PLAGL1: variants seen among roughly 807,000 people sequenced by gnomAD.
The protein encoded by PLAGL1 is zinc finger protein PLAGL1.
PLAGL1 carries 1 observed loss-of-function variant against 4.6 expected under a neutral mutation model. The ratio of observed to expected loss-of-function variants is 0.22; its 90% CI spans 0.08 to 1.03. The LOEUF (loss-of-function observed/expected upper bound fraction) is 1.03. Ranked by LOEUF, PLAGL1 falls within the 50% of genes least tolerant of loss-of-function variation. The pLI is 0.58. For missense variants in PLAGL1, 464 were observed against 570.4 expected, an observed-to-expected ratio of 0.81 and a Z score of 1.90; for synonymous variants, 240 against 237.8, an observed-to-expected ratio of 1.01 and a Z score of -0.08.
intron 2 of PLAGL1, among the ~76,000 whole-genome samples, 180 bp from the exon 3 acceptor site, chr6:143,969,158 C>T (rs1207740271): frequency 2.0e-5 from 3 of 152,046 alleles, no homozygotes; most frequent in African/African-American, 7.2e-5. Flanking sequence ...TCCAGAGGCA[C>T]CCATTTGAGT....
At chr6:144,038,523 C>T (rs1046697336) in intron 1 of PLAGL1, among the ~76,000 whole-genome samples, 5 of 152,120 alleles carry the variant, frequency 3.3e-5, no homozygotes, top group Non-Finnish European at 7.3e-5. Context: ...TAAATAAACC[C>T]ATATGTCTGT....
intron 2 of PLAGL1, among the ~76,000 whole-genome samples, chr6:143,980,151 G>T (rs1787590134): frequency 1.3e-5 from 2 of 152,062 alleles, no homozygotes; most frequent in African/African-American, 4.8e-5. Flanking sequence ...TTTACTACTG[G>T]TTTTAAACTA....
rs1487971387 is a variant in PLAGL1, at chr6:143,950,519, C to CACTT, written c.-324-2063_-324-2060dup. The stretch of plus-strand genomic sequence containing the variant: ...GGCCCAGCTATAAAACACACTCATT[C>CACTT]ACTTAGAATTGCTCTGTGTTCTTTC... On this transcript the variant is annotated intron_variant, in intron 6 of 7. Transcript: ENST00000674357. This position sits in a 1 kb window ranked among gnomAD's most constrained non-coding sequence, Gnocchi z 6.3. Among the ~76,000 whole-genome samples, 1 of 152,202 alleles carries CACTT rather than the reference C, an allele frequency of 6.6e-6. No individual in the cohort carries two copies. The highest frequency in any genetic ancestry group is 1.5e-5 in the Non-Finnish European group (1 of 68,028).
chr6:144,045,907 A>C (rs1798110418), intron 1 of PLAGL1, among the ~76,000 whole-genome samples: 1 of 151,854 alleles, frequency 6.6e-6, no homozygotes, highest in African/African-American at 2.4e-5. Flanking sequence ...TTTTTCTCTA[A>C]ACTTCTCTTC....
At chr6:144,014,640 C>T (rs1295489295) in intron 1 of PLAGL1, among the ~76,000 whole-genome samples, 2 of 152,078 alleles carry the variant, frequency 1.3e-5, no homozygotes, top group African/African-American at 4.8e-5. Flanking sequence ...AGTACCGTGA[C>T]ATGATCTCGG....
chr6:143,996,938 T>A (rs1251472866), intron 1 of PLAGL1, among the ~76,000 whole-genome samples: 1 of 152,128 alleles, frequency 6.6e-6, no homozygotes, highest in East Asian at 1.9e-4. Flanking sequence ...AAAATTGATA[T>A]CTTCATGATT....
Position 143,994,180 on chromosome 6 carries a change from G to A in PLAGL1, c.-583-9006C>T, listed in dbSNP as rs1333870773. On this transcript the variant is annotated intron_variant, in intron 1 of 7. Coordinates refer to ENST00000674357, the MANE Select transcript of PLAGL1 (RefSeq NM_001317162.2). The surrounding 1 kb of genome is among the most constrained non-coding windows in gnomAD (Gnocchi z 4.3). ...GGATTTCAAAATTGTTATGGACCAGGGACTCCCTAAAGTATACTCGTGAAA... is the reference window on the plus strand; with the variant it reads ...GGATTTCAAAATTGTTATGGACCAGAGACTCCCTAAAGTATACTCGTGAAA... Among the ~76,000 whole-genome samples, 2 of 152,054 alleles carry A rather than the reference G, an allele frequency of 1.3e-5. No individual in the cohort carries two copies. The highest frequency in any genetic ancestry group is 2.9e-5 in the Non-Finnish European group (2 of 67,994).
chr6:144,029,711 A>ACAGCCTTATGGAAGG (rs1796658452), intron 1 of PLAGL1, among the ~76,000 whole-genome samples: 1 of 152,248 alleles, frequency 6.6e-6, no homozygotes, highest in Admixed American at 6.5e-5. Context: ...AGAAACTGGT[A>ACAGCCTTATGGAAGG]CAGCCTTATG....
At chr6:144,011,976 G>A (rs150036483), upstream of PLAGL1, among the ~76,000 whole-genome samples, 314 of 152,270 alleles carry the variant, frequency 2.1e-3, 5 homozygotes, top group East Asian at 0.014. The surrounding 1 kb of genome is among the most constrained non-coding windows in gnomAD (Gnocchi z 4.3). Context: ...ATTGGGGGAC[G>A]TTTGTGAGAA....
intron 1 of PLAGL1, among the ~76,000 whole-genome samples, chr6:144,030,609 T>C (rs574009578): frequency 1.3e-5 from 2 of 152,346 alleles, no homozygotes; most frequent in African/African-American, 4.8e-5. Context: ...TGGTTTTCCA[T>C]TCCTGAGTTA....
intron 6 of PLAGL1, among the ~76,000 whole-genome samples, chr6:143,956,495 G>A (rs779279683): frequency 1.1e-4 from 16 of 152,152 alleles, no homozygotes; most frequent in Non-Finnish European, 1.9e-4. Context: ...CTTGATGTTG[G>A]TAAATAACTT....
In PLAGL1 at chr6:143,966,396, C is replaced by T. The variant is rs930890931; in HGVS notation, c.-471-198G>A. 27 of 152,188 alleles carry T rather than the reference C, an allele frequency of 1.8e-4. No homozygotes were observed. Among genetic ancestry groups the T allele is most frequent in the African/African-American group, 6.5e-4 (27 of 41,432 alleles). The allele number at this position is 152,188 out of a possible 1,614,324, so 9.4% of individuals were successfully genotyped here. On this transcript the variant is annotated intron_variant, in intron 3 of 7. Coordinates refer to ENST00000674357, the MANE Select transcript of PLAGL1 (RefSeq NM_001317162.2). The surrounding 1 kb of genome is among the most constrained non-coding windows in gnomAD (Gnocchi z 6.0). Reference sequence around the variant, plus strand: ...CAAACAAAAAACCCAACTGTGCACACACACACACCAAAAAATAAGTACAAT... The same window carrying T: ...CAAACAAAAAACCCAACTGTGCACATACACACACCAAAAAATAAGTACAAT...
In PLAGL1 at chr6:143,983,267, T is replaced by C. The variant is rs1440537359; in HGVS notation, c.-544+1868A>G. Among the ~76,000 whole-genome samples the C allele has an allele frequency of 6.6e-6, 1 of 152,166 alleles. No individual in the cohort carries two copies. The highest frequency in any genetic ancestry group is 1.5e-5 in the Non-Finnish European group (1 of 68,030). On this transcript the variant is annotated intron_variant, in intron 2 of 7. Transcript: ENST00000674357. This position sits in a 1 kb window ranked among gnomAD's most constrained non-coding sequence, Gnocchi z 6.6. ...TGAGAATTAATGGTTGAGTTTGCAA[T>C]ATGAAGGTCGCTGGTGACACTTGAG...
intron 1 of PLAGL1, among the ~76,000 whole-genome samples, chr6:144,045,640 C>A (rs1798085729): frequency 6.6e-6 from 1 of 152,118 alleles, no homozygotes; most frequent in South Asian, 2.1e-4. Flanking sequence ...TCATTTCAAC[C>A]TTGATGAATC....
chr6:143,976,116 G>C lies in PLAGL1; in HGVS notation c.-543-7138C>G, dbSNP rs1279199730. Among the ~76,000 whole-genome samples, 17 of 151,918 alleles carry C rather than the reference G, an allele frequency of 1.1e-4. No homozygotes were observed. In the East Asian group the frequency reaches 2.9e-3, roughly 26 times the overall value. On this transcript the variant is annotated intron_variant, in intron 2 of 7. Coordinates refer to ENST00000674357, the MANE Select transcript of PLAGL1 (RefSeq NM_001317162.2). ...CACCCTATTACTGGGCGGTGGCATA[G>C]AGATGCCACAGTACAGAGTGTACAG...
intron 1 of PLAGL1, among the ~76,000 whole-genome samples, chr6:144,051,466 G>GT (rs1235807326): frequency 6.6e-6 from 1 of 152,106 alleles, no homozygotes; most frequent in East Asian, 1.9e-4. Flanking sequence ...ATTTACTCCT[G>GT]TTTTTTTCAC....
intron 1 of PLAGL1, among the ~76,000 whole-genome samples, chr6:144,054,326 T>G (rs915094372): frequency 2.0e-5 from 3 of 152,148 alleles, no homozygotes; most frequent in African/African-American, 7.2e-5. Context: ...CAATTTACAA[T>G]AGCAAAGACA....
chr6:144,062,852 C>G (rs546364295), intron 1 of PLAGL1, among the ~76,000 whole-genome samples: 14 of 152,300 alleles, frequency 9.2e-5, no homozygotes, highest in African/African-American at 2.9e-4. Context: ...AAACATGCAG[C>G]CTTCAGACAG....
chr6:144,003,465 A>G (rs1456738538), intron 1 of PLAGL1, among the ~76,000 whole-genome samples: 1 of 152,154 alleles, frequency 6.6e-6, no homozygotes, highest in Non-Finnish European at 1.5e-5. Flanking sequence ...TGTACTAAAA[A>G]TACAAAAAAT....
Sources: gnomAD v4.1 joint callset for allele counts (sites outside exome capture counted in the v4.1 genomes callset) on GRCh38, gnomAD v4.1.1 for gene constraint, Gnocchi (gnomAD v3.1) non-coding constraint, MANE v1.5 for transcripts, NCBI Gene and HGNC (gene_info 2026-07-23, HGNC 2026-07-21) for gene names.